MUSK: variants seen among roughly 807,000 people sequenced by gnomAD.
MUSK encodes the protein muscle associated receptor tyrosine kinase, also known as muscle, skeletal receptor tyrosine-protein kinase.
MUSK carries 55 observed loss-of-function variants against 88.7 expected under a neutral mutation model. That is an observed-to-expected ratio of 0.62 (90% CI 0.50 to 0.78). The LOEUF is 0.78. MUSK is among the 30% of genes least tolerant of loss of function. The pLI is 0.00. For missense variants in MUSK, 1,015 were observed against 1,074.3 expected, an observed-to-expected ratio of 0.94 and a Z score of 0.77; for synonymous variants, 387 against 391.9, an observed-to-expected ratio of 0.99 and a Z score of 0.15.
intron 9 of MUSK, among the ~76,000 whole-genome samples, chr9:110,770,937 T>A (rs1564281259): frequency 6.6e-6 from 1 of 152,014 alleles, no homozygotes; most frequent in Non-Finnish European, 1.5e-5. Context: ...CATTTTAGAG[T>A]TGAACTATGT....
intron 5 of MUSK, among the ~76,000 whole-genome samples, chr9:110,731,239 G>A (rs936717924): frequency 6.6e-6 from 1 of 152,018 alleles, no homozygotes. Flanking sequence ...AGCAAACCTT[G>A]CCCTTGTGAT....
rs548205288 is a variant in MUSK at position 110,761,436 on chromosome 9, G to GTAGAAAGT, written c.914-766_914-765insTAGAAAGT. Reference sequence around the variant, plus strand: ...ACAGCCTTGAGGCAGCCAGGTCTATGAGAACAACCATTGCCTACTTTCTCT... The same window carrying GTAGAAAGT: ...ACAGCCTTGAGGCAGCCAGGTCTATGTAGAAAGTAGAACAACCATTGCCTACTTTCTCT... On this transcript the variant is annotated intron_variant, in intron 7 of 14. Transcript: ENST00000374448. Among the ~76,000 whole-genome samples the GTAGAAAGT allele has an allele frequency of 2.5e-3, 373 of 152,190 alleles. 1 individual carries two copies. Among genetic ancestry groups the GTAGAAAGT allele is most frequent in the African/African-American group, 8.7e-3 (360 of 41,532 alleles).
At chr9:110,720,821 A>G (rs886158401) in intron 5 of MUSK, among the ~76,000 whole-genome samples, 1 of 152,146 alleles carries the variant, frequency 6.6e-6, no homozygotes, top group Admixed American at 6.6e-5. Context: ...CACCTGATGA[A>G]CACAGATGCA....
rs144515620 is a variant in MUSK at position 110,683,083 on chromosome 9, AT to A, written c.206+291del. Among the ~76,000 whole-genome samples the A allele has an allele frequency of 0.25, 37,729 of 151,238 alleles. 6,263 individuals carry two copies. The highest frequency in any genetic ancestry group is 0.46 in the African/African-American group (19,047 of 41,250). On this transcript the variant is annotated intron_variant, in intron 2 of 14. Coordinates refer to ENST00000374448, the MANE Select transcript of MUSK (RefSeq NM_005592.4). ...ATAGTAGGACTTTTTCATTCTTTCT[AT>A]TTTTTTTGCACCCACTAAACATCCC...
At chr9:110,700,904 G>A (rs896147099) in intron 5 of MUSK, among the ~76,000 whole-genome samples, 26 of 152,186 alleles carry the variant, frequency 1.7e-4, no homozygotes, top group African/African-American at 6.3e-4. Context: ...AAGCTTCCAC[G>A]ATAAATTATA....
intron 8 of MUSK, among the ~76,000 whole-genome samples, chr9:110,766,664 G>T (rs541194062): frequency 3.3e-5 from 5 of 152,158 alleles, no homozygotes; most frequent in African/African-American, 1.2e-4. Flanking sequence ...TTGGGGTCAC[G>T]TAACAATTTT....
At chr9:110,729,677 A>G (rs2076938763) in intron 5 of MUSK, among the ~76,000 whole-genome samples, 1 of 152,090 alleles carries the variant, frequency 6.6e-6, no homozygotes, top group Admixed American at 6.6e-5. Flanking sequence ...TGTAACCTAA[A>G]AACCCTTTTC....
At chr9:110,669,262 A>G (rs1387615970) in intron 1 of MUSK, among the ~76,000 whole-genome samples, 4 of 152,216 alleles carry the variant, frequency 2.6e-5, no homozygotes, top group African/African-American at 9.6e-5. Flanking sequence ...GTACACTGCA[A>G]GTTATCAAGG....
At chr9:110,797,601 T>G (rs1407688005) in intron 14 of MUSK, among the ~76,000 whole-genome samples, 2 of 152,196 alleles carry the variant, frequency 1.3e-5, no homozygotes, top group Non-Finnish European at 2.9e-5. Context: ...TGGCACATTG[T>G]AGGCACTCTA....
At position 110,774,185 on chromosome 9, in the gene MUSK, G is replaced by T. The variant is rs1199720281; in HGVS notation, c.1185-1603G>T. On this transcript the variant is annotated intron_variant, in intron 9 of 14. Transcript: ENST00000374448. ...GTTTAGCCCTTCTTGCATTCAGTTA[G>T]GTCCTTTCTTTCTGCATTCAATTGA... Among the ~76,000 whole-genome samples, 3 of 151,944 alleles carry T rather than the reference G, an allele frequency of 2.0e-5. No individual in the cohort carries two copies. The East Asian group carries it at 5.8e-4, about 29-fold the overall frequency.
chr9:110,732,190 C>T (rs1212928051), intron 5 of MUSK, among the ~76,000 whole-genome samples: 2 of 151,932 alleles, frequency 1.3e-5, no homozygotes, highest in African/African-American at 4.8e-5. Flanking sequence ...CTCAAAGATC[C>T]TGCTTGTTTC....
intron 9 of MUSK, among the ~76,000 whole-genome samples, chr9:110,771,149 G>GCT (rs901046201): frequency 2.8e-5 from 4 of 141,636 alleles, no homozygotes; most frequent in Admixed American, 2.2e-4. Context: ...TTTCTCTTAT[G>GCT]CTCATTTCCT....
intron 1 of MUSK, among the ~76,000 whole-genome samples, chr9:110,672,438 G>A (rs1587872520): frequency 6.6e-6 from 1 of 152,130 alleles, no homozygotes; most frequent in East Asian, 1.9e-4. Context: ...ACCCAGCAGT[G>A]CTATGTGAAC....
chr9:110,802,658 T>G lies in MUSK; in HGVS notation c.*1670T>G, dbSNP rs2078111717. On this transcript the variant is annotated 3_prime_UTR_variant, in exon 15 of 15. Coordinates refer to ENST00000374448, the MANE Select transcript of MUSK (RefSeq NM_005592.4). ...TTCATCATCAGTTTTCTATTAGTTT[T>G]ACTTCCTAAAATCCTCCTGCTGACA... Among the ~76,000 whole-genome samples the G allele has an allele frequency of 6.6e-6, 1 of 152,192 alleles. No homozygotes were observed. Among genetic ancestry groups the G allele is most frequent in the Non-Finnish European group, 1.5e-5 (1 of 68,040 alleles).
At chr9:110,744,091 T>C (rs141239596) in intron 6 of MUSK, among the ~76,000 whole-genome samples, 2 of 152,114 alleles carry the variant, frequency 1.3e-5, no homozygotes, top group East Asian at 1.9e-4. Context: ...CCTCAGCCTC[T>C]GGAGTAGCTG....
chr9:110,725,816 T>C (rs1404921230), intron 5 of MUSK, among the ~76,000 whole-genome samples: 1 of 152,052 alleles, frequency 6.6e-6, no homozygotes, highest in East Asian at 1.9e-4. Context: ...ATAAAGCAGT[T>C]AAATAAAAAT....
rs368896303 is a variant in MUSK, at chr9:110,774,866, TACACAC to T, written c.1185-901_1185-896del. Among the ~76,000 whole-genome samples, 13 of 139,042 alleles carry T rather than the reference TACACAC, an allele frequency of 9.3e-5. No homozygotes were observed. In the East Asian group the frequency reaches 1.3e-3, roughly 14 times the overall value. The allele number at this position is 139,042 out of a possible 152,430, so 91.2% of individuals were successfully genotyped here. ...AAAAGACACCATTGTGGCATATATATACACACACACACACACACACACACACTCTTA... is the reference window on the plus strand; with the variant it reads ...AAAAGACACCATTGTGGCATATATATACACACACACACACACACACTCTTA... On this transcript the variant is annotated intron_variant, in intron 9 of 14. Coordinates refer to ENST00000374448, the MANE Select transcript of MUSK (RefSeq NM_005592.4).
intron 3 of MUSK, among the ~76,000 whole-genome samples, chr9:110,689,715 A>ATTT (rs2076273831): frequency 5.2e-5 from 2 of 38,822 alleles, no homozygotes; most frequent in African/African-American, 1.6e-4. Flanking sequence ...ATATAACTAT[A>ATTT]TATGTTATAT....
chr9:110,730,939 C>G (rs548636564), intron 5 of MUSK, among the ~76,000 whole-genome samples: 1 of 152,136 alleles, frequency 6.6e-6, no homozygotes, highest in East Asian at 1.9e-4. Context: ...GATGAAGAAG[C>G]CCTGACCTGG....
Sources: gnomAD v4.1 joint callset for allele counts (sites outside exome capture counted in the v4.1 genomes callset) on GRCh38, gnomAD v4.1.1 for gene constraint, MANE v1.5 for transcripts, NCBI Gene and HGNC (gene_info 2026-07-23, HGNC 2026-07-21) for gene names.